The following TTC7A variants were observed in gnomAD, a reference collection of about 807,000 sequenced individuals.
TTC7A encodes the protein tetratricopeptide repeat protein 7A.
A neutral mutation model predicts 103.7 loss-of-function variants in TTC7A; 110 were observed. The ratio of observed to expected loss-of-function variants is 1.06; its 90% CI spans 0.91 to 1.24. The LOEUF (loss-of-function observed/expected upper bound fraction) is 1.24. Among genes scored for constraint, TTC7A ranks in the 50% most tolerant of loss-of-function variants. TTC7A has a pLI of 0.00. For synonymous variants in TTC7A, 521 were observed against 467.9 expected, an observed-to-expected ratio of 1.11 and a Z score of -1.47; for missense variants, 1,340 against 1,116.3, an observed-to-expected ratio of 1.20 and a Z score of -2.86.
intron 10 of TTC7A, among the ~76,000 whole-genome samples, chr2:47,008,958 TAGC>T (rs1677727203): frequency 6.7e-6 from 1 of 150,280 alleles, no homozygotes; most frequent in Non-Finnish European, 1.5e-5. Context: ...GCTCCTTAAA[TAGC>T]AGCGTTTTTT....
chr2:47,042,453 G>A (rs1427071427), intron 15 of TTC7A, among the ~76,000 whole-genome samples: 2 of 152,228 alleles, frequency 1.3e-5, no homozygotes, highest in East Asian at 3.9e-4. Flanking sequence ...AATGAGCTAT[G>A]ATCACGTCAC....
At chr2:47,012,150 G>T (rs373551380) in intron 11 of TTC7A, among the ~76,000 whole-genome samples, 1 of 152,364 alleles carries the variant, frequency 6.6e-6, no homozygotes, top group African/African-American at 2.4e-5. Context: ...CTACTCGGAT[G>T]CTGCTCCAGG....
In TTC7A at chr2:46,948,857, T is replaced by C. The variant is rs566138152; in HGVS notation, c.185-1506T>C. 8.5e-5 allele frequency among the ~76,000 whole-genome samples: 13 copies of C among 152,294 alleles called. No individual in the cohort carries two copies. The South Asian group carries it at 1.9e-3, about 22-fold the overall frequency. The stretch of plus-strand genomic sequence containing the variant: ...GGCAGCCCTGTAGATCTGAGAACAC[T>C]GTACTGGTAGCAAAAAGAGCACTTT... On this transcript the variant is annotated intron_variant, in intron 1 of 19. Coordinates refer to ENST00000319190, the MANE Select transcript of TTC7A (RefSeq NM_020458.4).
intron 5 of TTC7A, among the ~76,000 whole-genome samples, chr2:46,981,630 C>G (rs1416220292): frequency 3.9e-5 from 6 of 152,224 alleles, no homozygotes; most frequent in Non-Finnish European, 8.8e-5. Flanking sequence ...TCATGAATCT[C>G]CAGGAGGCGG....
rs958414325 is a variant in TTC7A at position 46,968,826 on chromosome 2, T to C, written c.518-6147T>C. The stretch of plus-strand genomic sequence containing the variant: ...AATTAGGCCAGTGTAAATATCCATG[T>C]GACCAGTACCCTAATAAAGATACAG... On this transcript the variant is annotated intron_variant, in intron 3 of 19. Coordinates refer to ENST00000319190, the MANE Select transcript of TTC7A (RefSeq NM_020458.4). 5.9e-5 allele frequency among the ~76,000 whole-genome samples: 9 copies of C among 152,332 alleles called. No homozygotes were observed. The East Asian group carries it at 1.7e-3, about 29-fold the overall frequency.
chr2:46,939,938 G>C (rs1670197232), upstream of TTC7A, among the ~76,000 whole-genome samples: 1 of 152,130 alleles, frequency 6.6e-6, no homozygotes, highest in Non-Finnish European at 1.5e-5. Context: ...GCCTCTGGGG[G>C]TTCAGAACAG....
rs1682873974 is a variant in TTC7A, at chr2:47,051,747, C to T, written c.2019C>T (p.Gly673=). The part of the protein sequence containing the change: ...TLPDAHDADS[G]SRRASSIAAS... Reference sequence around the variant, plus strand: ...GGCTCGTGCCCTCTTGCTCTGCAGGCTCCCGGCGGGCTTCGTCCATCGCCG... The same window carrying T: ...GGCTCGTGCCCTCTTGCTCTGCAGGTTCCCGGCGGGCTTCGTCCATCGCCG... Residue 673 remains glycine, a splice_region_variant and synonymous_variant, in exon 18 of 20, where the codon GGC becomes GGT. Transcript: ENST00000319190. The T allele has an allele frequency of 2.5e-6, 4 of 1,609,170 alleles. No individual in the cohort carries two copies. In the South Asian group the frequency reaches 3.3e-5, roughly 13 times the overall value.
chr2:46,945,801 T>G (rs1670887595), intron 1 of TTC7A, among the ~76,000 whole-genome samples: 2 of 151,696 alleles, frequency 1.3e-5, no homozygotes, highest in Admixed American at 6.6e-5. Context: ...TTAGAAGGGG[T>G]TTGTTTGAGG....
Position 46,994,415 on chromosome 2 carries a change from G to A in TTC7A, c.902G>A (p.Trp301Ter). ...CACTCCCTGAGTGAGGAGTGCTACT[G>A]GAGCCCCCTGTCCCACCCTCTGCCT... ...LLHSLSEECYWSPLSHPLPEF... is the reference protein window; with the variant it reads ...LLHSLSEECY Residue 301 changes from tryptophan (W) to a stop codon, truncating the protein, a stop_gained, in exon 7 of 20, where the codon TGG (tryptophan) becomes TAG (stop). Coordinates refer to ENST00000319190, the MANE Select transcript of TTC7A (RefSeq NM_020458.4). LOFTEE classifies it high-confidence loss of function. 1 of 1,614,066 alleles carries A rather than the reference G, an allele frequency of 6.2e-7. No individual in the cohort carries two copies. The highest frequency in any genetic ancestry group is 8.5e-7 in the Non-Finnish European group (1 of 1,179,990).
chr2:46,987,818 G>C (rs577670171), intron 5 of TTC7A, among the ~76,000 whole-genome samples: 7,156 of 147,906 alleles, frequency 0.048, 324 homozygotes, highest in Admixed American at 0.099. Context: ...GCGTGTGTGT[G>C]TGTGTGTGTG....
At chr2:47,020,506 C>T (rs998442979) in intron 11 of TTC7A, among the ~76,000 whole-genome samples, 2 of 152,232 alleles carry the variant, frequency 1.3e-5, no homozygotes, top group Non-Finnish European at 2.9e-5. Flanking sequence ...CCCAGACACC[C>T]TCATCCTTCC....
At chr2:47,038,451 C>T (rs1681374319) in intron 15 of TTC7A, among the ~76,000 whole-genome samples, 1 of 152,188 alleles carries the variant, frequency 6.6e-6, no homozygotes, top group African/African-American at 2.4e-5. Context: ...TTAGACTTTC[C>T]AGAGGCGTGG....
At chr2:47,029,478 C>T (rs1680287571) in intron 15 of TTC7A, 94 bp downstream of exon 15, 8 of 1,438,110 alleles carry the variant, frequency 5.6e-6, no homozygotes, top group South Asian at 3.6e-5. Context: ...TGTCAGCCAA[C>T]ACACATGAAG....
chr2:47,006,496 G>T (rs527865920), intron 9 of TTC7A, 145 bp from the exon 10 acceptor site: 2 of 712,062 alleles, frequency 2.8e-6, no homozygotes, highest in Non-Finnish European at 2.5e-6. Flanking sequence ...ACTGGGTTTC[G>T]GCAGGGTGTC....
chr2:47,040,793 C>T (rs1681652825), intron 15 of TTC7A, among the ~76,000 whole-genome samples: 1 of 152,230 alleles, frequency 6.6e-6, no homozygotes, highest in Non-Finnish European at 1.5e-5. Flanking sequence ...GACTTTACTC[C>T]TGTTGTACAG....
chr2:46,916,286 C>T (rs1262012967), exon 1 of TTC7A: 2 of 604,134 alleles, frequency 3.3e-6, no homozygotes, highest in Non-Finnish European at 2.1e-6. Flanking sequence ...TTGGACCCTA[C>T]GTTTCAAGAT....
At chr2:47,052,821 CT>C (rs1682976547) in intron 18 of TTC7A, among the ~76,000 whole-genome samples, 1 of 152,190 alleles carries the variant, frequency 6.6e-6, no homozygotes, top group Non-Finnish European at 1.5e-5. Context: ...AGGAGTACCT[CT>C]TGCATTTTCT....
chr2:47,012,156 C>G (rs1310361100), intron 11 of TTC7A, among the ~76,000 whole-genome samples: 1 of 152,256 alleles, frequency 6.6e-6, no homozygotes, highest in Non-Finnish European at 1.5e-5. Context: ...GGATGCTGCT[C>G]CAGGCCTATG....
intron 15 of TTC7A, among the ~76,000 whole-genome samples, chr2:47,037,811 A>G (rs1326405288): frequency 6.6e-6 from 1 of 152,162 alleles, no homozygotes; most frequent in Admixed American, 6.5e-5. Flanking sequence ...CGTAATGGGG[A>G]TTGGGGACTG....
Sources: allele counts gnomAD v4.1 joint callset (sites outside exome capture counted in the v4.1 genomes callset), GRCh38; gene constraint gnomAD v4.1.1; transcripts MANE v1.5; gene names NCBI Gene and HGNC (gene_info 2026-07-23, HGNC 2026-07-21).